The following FANCD2 variants were observed in gnomAD, a reference collection of about 807,000 sequenced individuals.
The protein encoded by FANCD2 is FA complementation group D2.
Under a neutral mutation model 192.3 loss-of-function variants are expected in FANCD2, and 131 were observed. The observed-to-expected ratio is 0.68, with a 90% CI of 0.59 to 0.79. The LOEUF is 0.79. Ranked by LOEUF, FANCD2 falls within the 30% of genes least tolerant of loss-of-function variation. The pLI is 0.00. For missense variants in FANCD2, 1,508 were observed against 1,701.6 expected (o/e 0.89, Z 2.00); for synonymous variants, 524 against 612.5 (o/e 0.86, Z 2.13).
At chr3:10,085,945 A>T in intron 33 of FANCD2, 23 bp downstream of exon 33, 1 of 1,507,854 alleles carries the variant, frequency 6.6e-7, no homozygotes, top group South Asian at 1.1e-5. Flanking sequence ...TACATAGCCA[A>T]GATTGTTGTC....
intron 16 of FANCD2, among the ~76,000 whole-genome samples, chr3:10,048,710 A>T (rs1235883477): frequency 6.6e-6 from 1 of 152,262 alleles, no homozygotes; most frequent in East Asian, 1.9e-4. Context: ...TTTTACATAT[A>T]TTCTTCCTGT....
chr3:10,069,783 G>A (rs1693074188), intron 26 of FANCD2, among the ~76,000 whole-genome samples: 1 of 152,164 alleles, frequency 6.6e-6, no homozygotes, highest in Non-Finnish European at 1.5e-5. Flanking sequence ...GCCCAGGCTG[G>A]AGTGCAGTAG....
At position 10,033,184 on chromosome 3, in the gene FANCD2, G is replaced by C. The variant is rs1318444131; in HGVS notation, c.205+212G>C. Among the ~76,000 whole-genome samples, 5 of 152,274 alleles carry C rather than the reference G, an allele frequency of 3.3e-5. No homozygotes were observed. The East Asian group carries it at 7.7e-4, about 24-fold the overall frequency. ...CCAGCACTTTGGGAGGCTCGAGGCA[G>C]GCGGATTGCCTGAGCTCAGGAATTT... On this transcript the variant is annotated intron_variant, in intron 3 of 43. Coordinates refer to ENST00000675286, the MANE Select transcript of FANCD2 (RefSeq NM_001018115.3).
intron 42 of FANCD2, among the ~76,000 whole-genome samples, 200 bp from the exon 43 acceptor site, chr3:10,098,520 A>C (rs1207783374): frequency 1.3e-5 from 2 of 152,188 alleles, no homozygotes; most frequent in Non-Finnish European, 2.9e-5. Context: ...TACTTATTGT[A>C]TCAGGGCCAC....
At chr3:10,050,622 CAAA>C (rs58316932) in intron 17 of FANCD2, among the ~76,000 whole-genome samples, 11 of 59,602 alleles carry the variant, frequency 1.8e-4, no homozygotes, top group African/African-American at 5.0e-4. Context: ...GACTCTGTCT[CAAA>C]AAAAAAAAAA....
At chr3:10,048,435 C>G (rs1040659520) in intron 16 of FANCD2, among the ~76,000 whole-genome samples, 3 of 152,196 alleles carry the variant, frequency 2.0e-5, no homozygotes, top group Non-Finnish European at 4.4e-5. Context: ...TCCTAAGTAG[C>G]TGTGATTACA....
chr3:10,054,477 T>A (rs867691915), intron 18 of FANCD2, among the ~76,000 whole-genome samples: 21 of 43,612 alleles, frequency 4.8e-4, no homozygotes, highest in African/African-American at 1.0e-3. Flanking sequence ...ATATATATTT[T>A]TTTTTTTTTT....
chr3:10,090,269 C>T lies in FANCD2; in HGVS notation c.3684-23C>T, dbSNP rs530863250. Reference sequence around the variant, plus strand: ...TAAGCAGTGCATCATGGTGTGGGCACGCATGCTTTTCCCGTCTTCTAGGCA... The same window carrying T: ...TAAGCAGTGCATCATGGTGTGGGCATGCATGCTTTTCCCGTCTTCTAGGCA... On this transcript the variant is annotated intron_variant, in intron 36 of 43. Transcript: ENST00000675286. 1.9e-5 allele frequency: 30 copies of T among 1,561,714 alleles called. No homozygotes were observed. In the South Asian group the frequency reaches 2.9e-4, roughly 15 times the overall value.
At position 10,096,250 on chromosome 3, in the gene FANCD2, T is replaced by C. The variant is rs936312598; in HGVS notation, c.4039-76T>C. ...GCAGGGCTTGTGTTCTTATTCAACA[T>C]TCAAAGGTTTCTATAAGAAATGTGA... On this transcript the variant is annotated intron_variant, in intron 41 of 43. Transcript: ENST00000675286. 6.1e-6 allele frequency: 9 copies of C among 1,485,032 alleles called. No homozygotes were observed. In the African/African-American group the frequency reaches 9.7e-5, roughly 16 times the overall value. 92.0% of individuals were successfully genotyped at this position (1,485,032 alleles called of 1,614,324 possible).
intron 7 of FANCD2, among the ~76,000 whole-genome samples, chr3:10,036,712 CT>C (rs2086740180): frequency 6.6e-6 from 1 of 150,428 alleles, no homozygotes; most frequent in Non-Finnish European, 1.5e-5. Flanking sequence ...GTATCTGTTG[CT>C]TATGCTCAGG....
intron 28 of FANCD2, 152 bp downstream of exon 28, chr3:10,073,514 A>G: frequency 1.3e-6 from 1 of 746,454 alleles, no homozygotes; most frequent in Non-Finnish European, 2.4e-6. Flanking sequence ...CCTTAGTAGC[A>G]AAGTTCAGAT....
chr3:10,071,122 C>T (rs1213040183), intron 26 of FANCD2, among the ~76,000 whole-genome samples: 2 of 104,312 alleles, frequency 1.9e-5, no homozygotes, highest in African/African-American at 8.9e-5. Flanking sequence ...CAAGAATGAT[C>T]GATAAAAAAA....
chr3:10,094,234 G>C, intron 39 of FANCD2, 55 bp from the exon 40 acceptor site: 1 of 1,337,406 alleles, frequency 7.5e-7, no homozygotes, highest in South Asian at 1.2e-5. Context: ...TCTGCCTCAG[G>C]GGCCTTTCAG....
intron 37 of FANCD2, among the ~76,000 whole-genome samples, chr3:10,091,280 C>G (rs539949942): frequency 6.6e-6 from 1 of 151,472 alleles, no homozygotes; most frequent in Non-Finnish European, 1.5e-5. Flanking sequence ...GGGGTTTTGT[C>G]GTGTTGCTCA....
Position 10,101,529 on chromosome 3 carries a change from G to T in FANCD2, c.*267G>T. On this transcript the variant is annotated 3_prime_UTR_variant, in exon 44 of 44. Transcript: ENST00000675286. ...GCCTCCTGAGTAGCTGGGACGACAG[G>T]CACATGCCACCATGCCCAGCTAATT... 2.2e-6 allele frequency: 1 copy of T among 448,176 alleles called. No homozygotes were observed. The highest frequency in any genetic ancestry group is 4.1e-6 in the Non-Finnish European group (1 of 242,860). 27.8% of individuals were successfully genotyped at this position (448,176 alleles called of 1,614,324 possible).
intron 15 of FANCD2, among the ~76,000 whole-genome samples, chr3:10,047,305 C>G (rs1475300394): frequency 6.6e-6 from 1 of 152,186 alleles, no homozygotes; most frequent in African/African-American, 2.4e-5. Flanking sequence ...CTGTAATTTT[C>G]TAGATGCAGA....
Position 10,101,714 on chromosome 3 carries a change from ACTTG to A in FANCD2, c.*453_*456del. 1 of 260,288 alleles carries A rather than the reference ACTTG, an allele frequency of 3.8e-6. No homozygotes were observed. The allele number at this position is 260,288 out of a possible 1,614,324, so 16.1% of individuals were successfully genotyped here. On this transcript the variant is annotated 3_prime_UTR_variant, in exon 44 of 44. Transcript: ENST00000675286. ...TGTTCTTAAAGTGGGGTCTTTATTA[ACTTG>A]TGGACATCATGGATTGTCTAACACC...
chr3:10,074,704 ATCT>A, intron 29 of FANCD2, 31 bp downstream of exon 29: 2 of 1,609,538 alleles, frequency 1.2e-6, no homozygotes, highest in Non-Finnish European at 1.7e-6. Flanking sequence ...TCAGAATTTA[ATCT>A]TCTTTCAGAA....
rs745765337 is a variant in FANCD2 at position 10,088,540 on chromosome 3, C to G, written c.3558C>G (p.Leu1186=). The change falls in exon 35 of 44, where the codon CTC becomes CTG. Residue 1186 remains leucine, a splice_region_variant and synonymous_variant. Coordinates refer to ENST00000675286, the MANE Select transcript of FANCD2 (RefSeq NM_001018115.3). ...NISNDQLHAL[L]CIYLEHTESI... Reference sequence around the variant, plus strand: ...CTAATGACCAGCTCCATGCTCTGCTCTGGTGAGATGTTTGGTTTCTTCCAA... The same window carrying G: ...CTAATGACCAGCTCCATGCTCTGCTGTGGTGAGATGTTTGGTTTCTTCCAA... 167 of 1,595,700 alleles carry G rather than the reference C, an allele frequency of 1.0e-4. No homozygotes were observed. The highest frequency in any genetic ancestry group is 1.3e-4 in the Non-Finnish European group (150 of 1,163,234).
Sources: gnomAD v4.1 joint callset for allele counts (sites outside exome capture counted in the v4.1 genomes callset) on GRCh38, gnomAD v4.1.1 for gene constraint, MANE v1.5 for transcripts, NCBI Gene and HGNC (gene_info 2026-07-23, HGNC 2026-07-21) for gene names.